Variants in SLC7A1 observed in about 807,000 individuals in gnomAD.
The protein encoded by SLC7A1 is high affinity cationic amino acid transporter 1.
In SLC7A1, 10 loss-of-function variants were observed where a neutral mutation model predicts 53.9. The observed-to-expected ratio is 0.19, with a 90% CI of 0.11 to 0.31. The LOEUF (loss-of-function observed/expected upper bound fraction) is 0.31. SLC7A1 is among the 10% of genes least tolerant of loss of function. SLC7A1 has a pLI of 1.00. For missense variants in SLC7A1, 525 were observed against 827.2 expected, an observed-to-expected ratio of 0.63 and a Z score of 4.48; for synonymous variants, 342 against 338.7, an observed-to-expected ratio of 1.01 and a Z score of -0.11.
rs1883580061 is a variant in SLC7A1 at position 29,517,134 on chromosome 13, A to G, written c.1677+10T>C. On this transcript the variant is annotated intron_variant, in intron 11 of 12. Coordinates refer to ENST00000380752, the MANE Select transcript of SLC7A1 (RefSeq NM_003045.5). Reference sequence around the variant, plus strand: ...GTACCAGGGTTCCTTCCCTAGGCCGAGCTGCTCACCTTAAATGAGAGCTTG... The same window carrying G: ...GTACCAGGGTTCCTTCCCTAGGCCGGGCTGCTCACCTTAAATGAGAGCTTG... 16 of 1,589,050 alleles carry G rather than the reference A, an allele frequency of 1.0e-5. No homozygotes were observed. Among genetic ancestry groups the G allele is most frequent in the Non-Finnish European group, 1.4e-5 (16 of 1,166,190 alleles).
chr13:29,581,853 G>A (rs1871661171), intron 1 of SLC7A1, among the ~76,000 whole-genome samples: 1 of 152,202 alleles, frequency 6.6e-6, no homozygotes, highest in East Asian at 1.9e-4. Flanking sequence ...GCCTTCTGGA[G>A]GAATCACTTT....
At chr13:29,533,767 T>C (rs1869280779) in intron 3 of SLC7A1, among the ~76,000 whole-genome samples, 1 of 152,168 alleles carries the variant, frequency 6.6e-6, no homozygotes, top group Non-Finnish European at 1.5e-5. Context: ...TCTCATTCTC[T>C]CCTCTCACAT....
intron 1 of SLC7A1, among the ~76,000 whole-genome samples, chr13:29,591,826 G>C (rs917497510): frequency 6.6e-6 from 1 of 152,158 alleles, no homozygotes; most frequent in African/African-American, 2.4e-5. Flanking sequence ...CTTGATTTTT[G>C]GTTGCCACGG....
chr13:29,531,660 T>C (rs1438738994), intron 4 of SLC7A1, among the ~76,000 whole-genome samples: 3 of 152,158 alleles, frequency 2.0e-5, no homozygotes, highest in Admixed American at 1.3e-4. Context: ...TGGCAAAACC[T>C]TACCTCTACT....
chr13:29,538,913 T>C (rs964798514), intron 2 of SLC7A1, among the ~76,000 whole-genome samples: 1 of 152,144 alleles, frequency 6.6e-6, no homozygotes. Context: ...GTTTCGGATC[T>C]GGCTGGGAAA....
intron 1 of SLC7A1, among the ~76,000 whole-genome samples, chr13:29,571,494 C>A (rs1871186867): frequency 1.3e-5 from 2 of 152,106 alleles, no homozygotes; most frequent in African/African-American, 4.8e-5. Context: ...ATGGCTGTGG[C>A]CTTTCTAGAT....
In SLC7A1 at chr13:29,563,032, C is replaced by G. The variant is rs657993; in HGVS notation, c.-114-9172G>C. Reference sequence around the variant, plus strand: ...GTGCACTGCAAAAGGCTAGAGAAAGCCATTCTAACCAACTGGTGTAAATCT... The same window carrying G: ...GTGCACTGCAAAAGGCTAGAGAAAGGCATTCTAACCAACTGGTGTAAATCT... On this transcript the variant is annotated intron_variant, in intron 1 of 12. Transcript: ENST00000380752. Among the ~76,000 whole-genome samples the G allele has an allele frequency of 3.5e-3, 535 of 152,324 alleles. 4 individuals carry two copies. Among genetic ancestry groups the G allele is most frequent in the African/African-American group, 0.012 (502 of 41,570 alleles).
At chr13:29,562,703 T>C (rs183715909) in intron 1 of SLC7A1, among the ~76,000 whole-genome samples, 2 of 152,334 alleles carry the variant, frequency 1.3e-5, no homozygotes, top group East Asian at 3.9e-4. Context: ...CCACTGTTAT[T>C]TGGAACCTAT....
In SLC7A1 at chr13:29,548,504, C is replaced by G. The variant is rs1870028033; in HGVS notation, c.-15+5257G>C. ...TGGCCCCTTTAGGGGTCTTCAGTGG[C>G]CAGCTAAGGGATTTACACCTTTATT... is the stretch of plus-strand genomic sequence containing the variant. On this transcript the variant is annotated intron_variant, in intron 2 of 12. Transcript: ENST00000380752. 2.0e-5 allele frequency among the ~76,000 whole-genome samples: 3 copies of G among 152,170 alleles called. No homozygotes were observed. The South Asian group carries it at 6.2e-4, about 32-fold the overall frequency.
In SLC7A1 at chr13:29,513,109, A is replaced by G. The variant is rs138788583; in HGVS notation, c.*1371T>C. 199 of 151,338 alleles carry G rather than the reference A, an allele frequency of 1.3e-3. 1 individual carries two copies. The highest frequency in any genetic ancestry group is 2.3e-3 in the Non-Finnish European group (156 of 67,878). 9.4% of individuals were successfully genotyped at this position (151,338 alleles called of 1,614,324 possible). ...AGGTTTCCTCTGGCTCCCATCTACA[A>G]GGAGTGTGTGTGAAATGGTGCTGGC... On this transcript the variant is annotated 3_prime_UTR_variant, in exon 13 of 13. Coordinates refer to ENST00000380752, the MANE Select transcript of SLC7A1 (RefSeq NM_003045.5).
Position 29,533,813 on chromosome 13 carries a change from G to A in SLC7A1, c.371-831C>T, listed in dbSNP as rs563119975. ...GGTGTCAGAATGTGTTTCCATTGGT[G>A]TTTCTCAGGAAATGTCACTAAAATT... is the stretch of plus-strand genomic sequence containing the variant. On this transcript the variant is annotated intron_variant, in intron 3 of 12. Coordinates refer to ENST00000380752, the MANE Select transcript of SLC7A1 (RefSeq NM_003045.5). Among the ~76,000 whole-genome samples the A allele has an allele frequency of 5.9e-5, 9 of 152,278 alleles. No homozygotes were observed. In the South Asian group the frequency reaches 1.9e-3, roughly 32 times the overall value.
intron 12 of SLC7A1, among the ~76,000 whole-genome samples, chr13:29,515,627 G>A (rs1434564469): frequency 6.6e-6 from 1 of 152,208 alleles, no homozygotes; most frequent in East Asian, 1.9e-4. Context: ...CCCCTGGGGT[G>A]AGATGCCCAG....
intron 1 of SLC7A1, among the ~76,000 whole-genome samples, chr13:29,559,916 C>T (rs555091399): frequency 1.1e-4 from 16 of 152,108 alleles, no homozygotes; most frequent in Middle Eastern, 3.4e-3. Context: ...GGGGTTTCAC[C>T]GTGTTAGCCA....
At chr13:29,530,741 G>C (rs756410020) in intron 4 of SLC7A1, 29 bp from the exon 5 acceptor site, 2 of 1,603,240 alleles carry the variant, frequency 1.2e-6, no homozygotes, top group Admixed American at 3.4e-5. Context: ...ACAAAACTTT[G>C]TCTGAGTGTT....
At chr13:29,561,679 G>T (rs916268326) in intron 1 of SLC7A1, among the ~76,000 whole-genome samples, 2 of 152,186 alleles carry the variant, frequency 1.3e-5, no homozygotes, top group Non-Finnish European at 2.9e-5. Context: ...AAAACCTAAT[G>T]TGCACAATAA....
intron 2 of SLC7A1, among the ~76,000 whole-genome samples, chr13:29,545,952 A>T (rs1229853278): frequency 6.6e-6 from 1 of 152,178 alleles, no homozygotes. Flanking sequence ...TTCCATCATC[A>T]CTCGGGAGGG....
chr13:29,531,412 A>T (rs1869157103), intron 4 of SLC7A1, among the ~76,000 whole-genome samples: 1 of 152,164 alleles, frequency 6.6e-6, no homozygotes, highest in Non-Finnish European at 1.5e-5. Context: ...CCTTAGGGTG[A>T]AGAGGTCATT....
chr13:29,526,235 C>A (rs115122210), intron 5 of SLC7A1, among the ~76,000 whole-genome samples: 1 of 152,058 alleles, frequency 6.6e-6, no homozygotes, highest in South Asian at 2.1e-4. Context: ...GAGGCCGAGG[C>A]GGGAGAATCA....
chr13:29,524,610 C>T (rs897756291), intron 5 of SLC7A1, among the ~76,000 whole-genome samples: 7 of 152,146 alleles, frequency 4.6e-5, no homozygotes, highest in African/African-American at 1.7e-4. Context: ...CAGGGCCCCT[C>T]GGAGGAAGGA....
Sources: allele counts gnomAD v4.1 joint callset (sites outside exome capture counted in the v4.1 genomes callset), GRCh38; gene constraint gnomAD v4.1.1; transcripts MANE v1.5; gene names NCBI Gene and HGNC (gene_info 2026-07-23, HGNC 2026-07-21).